DLG2: variants seen among roughly 807,000 people sequenced by gnomAD.
DLG2 encodes disks large homolog 2.
In DLG2, 45 loss-of-function variants were observed where a neutral mutation model predicts 132.5. The ratio of observed to expected loss-of-function variants is 0.34; its 90% CI spans 0.27 to 0.44. DLG2 has a LOEUF of 0.44. Among genes scored for constraint, DLG2 ranks in the 20% least tolerant of loss-of-function variants. The probability of loss-of-function intolerance (pLI) is 1.00; values close to 1 mark genes in which losing one functional copy is unlikely to be tolerated. For missense variants in DLG2, 1,045 were observed against 1,196.9 expected, an observed-to-expected ratio of 0.87 and a Z score of 1.87; for synonymous variants, 424 against 419.6, an observed-to-expected ratio of 1.01 and a Z score of -0.13.
chr11:84,904,868 G>A (rs1591001414), intron 6 of DLG2, among the ~76,000 whole-genome samples: 1 of 152,144 alleles, frequency 6.6e-6, no homozygotes, highest in African/African-American at 2.4e-5. Context: ...GCACCCTGAT[G>A]TTTATTAGGC....
chr11:85,193,481 A>G (rs1366548014), intron 4 of DLG2, among the ~76,000 whole-genome samples: 1 of 152,208 alleles, frequency 6.6e-6, no homozygotes, highest in Admixed American at 6.5e-5. Context: ...GAATAGCCAG[A>G]CTATTTTCCA....
chr11:84,315,113 G>A (rs2098340656), intron 7 of DLG2, among the ~76,000 whole-genome samples: 1 of 152,032 alleles, frequency 6.6e-6, no homozygotes, highest in Non-Finnish European at 1.5e-5. Flanking sequence ...ACCTCAATTT[G>A]TTGCCTTCTT....
chr11:84,617,060 G>A (rs2099605730), intron 6 of DLG2, among the ~76,000 whole-genome samples: 2 of 150,682 alleles, frequency 1.3e-5, no homozygotes, highest in African/African-American at 2.4e-5. Context: ...AGGTATACAC[G>A]TGCCATGGTG....
At chr11:84,657,046 A>G (rs1333524686) in intron 6 of DLG2, among the ~76,000 whole-genome samples, 1 of 152,132 alleles carries the variant, frequency 6.6e-6, no homozygotes, top group Non-Finnish European at 1.5e-5. Context: ...ACCATATGAC[A>G]AAACTGAAGG....
At chr11:84,871,973 C>G (rs1255032857) in intron 6 of DLG2, among the ~76,000 whole-genome samples, 1 of 152,132 alleles carries the variant, frequency 6.6e-6, no homozygotes, top group African/African-American at 2.4e-5. Context: ...CCATGCCTGG[C>G]CTGATTAAGA....
At chr11:85,591,934 T>C (rs532001646) in intron 3 of DLG2, among the ~76,000 whole-genome samples, 1 of 152,330 alleles carries the variant, frequency 6.6e-6, no homozygotes, top group East Asian at 1.9e-4. Context: ...TGTAAATGGA[T>C]GGTGAAAACA....
chr11:84,152,895 G>A (rs1596246870), intron 9 of DLG2, among the ~76,000 whole-genome samples: 1 of 152,090 alleles, frequency 6.6e-6, no homozygotes, highest in East Asian at 1.9e-4. Context: ...CTGTCATCCT[G>A]TTGTTAGCTG....
chr11:83,588,357 C>T (rs558598619), intron 19 of DLG2, among the ~76,000 whole-genome samples: 4 of 151,888 alleles, frequency 2.6e-5, no homozygotes, highest in South Asian at 2.1e-4. Flanking sequence ...CTGGGAGGCA[C>T]CCCCCAGCAG....
chr11:84,666,571 C>A lies in DLG2; in HGVS notation c.358-131840G>T, dbSNP rs61141505. On this transcript the variant is annotated intron_variant, in intron 6 of 27. Coordinates refer to ENST00000376104, the MANE Select transcript of DLG2 (RefSeq NM_001142699.3). Reference sequence around the variant, plus strand: ...CTTACAGGAATCAAGTATTTAGGGACCCTCTCCTCATCAGCAAAACAATTT... The same window carrying A: ...CTTACAGGAATCAAGTATTTAGGGAACCTCTCCTCATCAGCAAAACAATTT... Among the ~76,000 whole-genome samples the A allele has an allele frequency of 2.8e-3, 421 of 151,970 alleles. 4 individuals are homozygous for A. Among genetic ancestry groups the A allele is most frequent in the African/African-American group, 8.9e-3 (369 of 41,472 alleles).
At chr11:83,685,629 C>G (rs911440121) in intron 18 of DLG2, among the ~76,000 whole-genome samples, 1 of 152,140 alleles carries the variant, frequency 6.6e-6, no homozygotes, top group South Asian at 2.1e-4. Flanking sequence ...TTTATACTCG[C>G]TCCCAAGGCT....
chr11:84,168,363 T>C (rs763342188), intron 8 of DLG2, among the ~76,000 whole-genome samples: 1 of 152,250 alleles, frequency 6.6e-6, no homozygotes, highest in South Asian at 2.1e-4. Flanking sequence ...CTAATCCTTC[T>C]CCTTATTATA....
intron 4 of DLG2, among the ~76,000 whole-genome samples, chr11:85,250,511 T>C (rs1245138886): frequency 6.6e-6 from 1 of 152,160 alleles, no homozygotes; most frequent in African/African-American, 2.4e-5. Flanking sequence ...CAGTATAAAT[T>C]TACTACCCAA....
chr11:85,162,838 G>T (rs972723210), intron 4 of DLG2, among the ~76,000 whole-genome samples: 1 of 152,168 alleles, frequency 6.6e-6, no homozygotes, highest in Non-Finnish European at 1.5e-5. Flanking sequence ...TTAATACTGA[G>T]TGTCAACTTA....
At chr11:83,889,616 C>T (rs1185187613) in intron 15 of DLG2, among the ~76,000 whole-genome samples, 1 of 152,096 alleles carries the variant, frequency 6.6e-6, no homozygotes, top group Non-Finnish European at 1.5e-5. Context: ...TGGGTATATA[C>T]CCAAAGGACT....
intron 11 of DLG2, among the ~76,000 whole-genome samples, chr11:84,046,524 G>A (rs2096246552): frequency 6.6e-6 from 1 of 151,398 alleles, no homozygotes; most frequent in South Asian, 2.1e-4. Flanking sequence ...GTGACTAATG[G>A]CTTATACTGA....
intron 21 of DLG2, among the ~76,000 whole-genome samples, chr11:83,493,323 T>C (rs1015471189): frequency 6.7e-6 from 1 of 149,256 alleles, no homozygotes; most frequent in Admixed American, 6.7e-5. Context: ...TGCCTTCCTT[T>C]GTCTTTTCTT....
At chr11:84,747,340 A>T (rs1193606109) in intron 6 of DLG2, among the ~76,000 whole-genome samples, 2 of 152,234 alleles carry the variant, frequency 1.3e-5, no homozygotes, top group Admixed American at 1.3e-4. Flanking sequence ...ACATAATCAG[A>T]TTGAAATTAC....
intron 6 of DLG2, among the ~76,000 whole-genome samples, chr11:84,600,766 G>C (rs1355379529): frequency 6.6e-6 from 1 of 152,036 alleles, no homozygotes; most frequent in African/African-American, 2.4e-5. Flanking sequence ...GATAACAACA[G>C]TAAACTTTGT....
At chr11:84,797,002 C>T (rs1323410444) in intron 6 of DLG2, among the ~76,000 whole-genome samples, 1 of 151,960 alleles carries the variant, frequency 6.6e-6, no homozygotes, top group South Asian at 2.1e-4. Context: ...TGCATCACCA[C>T]ACCTGGCTAA....
Sources: gnomAD v4.1 joint callset for allele counts (sites outside exome capture counted in the v4.1 genomes callset) on GRCh38, gnomAD v4.1.1 for gene constraint, MANE v1.5 for transcripts, NCBI Gene and HGNC (gene_info 2026-07-23, HGNC 2026-07-21) for gene names.